The following ODR4 variants were observed in gnomAD, a reference collection of about 807,000 sequenced individuals.
ODR4 encodes the protein odr-4 GPCR localization factor homolog, also known as protein odr-4 homolog.
Under a neutral mutation model 60.2 loss-of-function variants are expected in ODR4, and 47 were observed. The observed-to-expected ratio is 0.78, with a 90% confidence interval of 0.62 to 1.00. The LOEUF (loss-of-function observed/expected upper bound fraction) is 1.00. ODR4 is among the 50% of genes least tolerant of loss of function. The probability of loss-of-function intolerance (pLI) is 0.00; values close to 1 mark genes in which losing one functional copy is unlikely to be tolerated. For missense variants in ODR4, 488 were observed against 530.8 expected (o/e 0.92, Z 0.79); for synonymous variants, 178 against 175.5 (o/e 1.01, Z -0.11).
At position 186,385,405 on chromosome 1, in the gene ODR4, CTA is replaced by C. The variant is rs1275375635; in HGVS notation, c.235-581_235-580del. ...GTTCACAGATAACTATGATATAAGA[CTA>C]TGTGATAAAATCCATGGGAAAACTA... On this transcript the variant is annotated intron_variant, in intron 3 of 13. Coordinates refer to ENST00000287859, the MANE Select transcript of ODR4 (RefSeq NM_017847.6). Among the ~76,000 whole-genome samples the C allele has an allele frequency of 1.6e-4, 24 of 150,890 alleles. No individual in the cohort carries two copies. In the East Asian group the frequency reaches 3.9e-3, roughly 25 times the overall value.
At chr1:186,391,889 A>C in intron 8 of ODR4, 98 bp downstream of exon 8, 1 of 711,432 alleles carries the variant, frequency 1.4e-6, no homozygotes, top group Non-Finnish European at 2.4e-6. Flanking sequence ...AACTGATTTC[A>C]TCTACCTCTC....
At chr1:186,392,725 A>C (rs182053794) in intron 8 of ODR4, among the ~76,000 whole-genome samples, 113 of 152,172 alleles carry the variant, frequency 7.4e-4, no homozygotes, top group African/African-American at 2.6e-3. Flanking sequence ...GGCAGGGGCC[A>C]GGCGTGGTGG....
chr1:186,382,964 CTAATT>C lies in ODR4; in HGVS notation c.100-57_100-53del, dbSNP rs2102018254. Reference sequence around the variant, plus strand: ...AAAGCTAAGGAATTTAGGTATCACTCTAATTAGATTGAGGAATCAGATATCACTCT... The same window carrying C: ...AAAGCTAAGGAATTTAGGTATCACTCAGATTGAGGAATCAGATATCACTCT... On this transcript the variant is annotated intron_variant, in intron 2 of 13. Coordinates refer to ENST00000287859, the MANE Select transcript of ODR4 (RefSeq NM_017847.6). 2.0e-6 allele frequency: 3 copies of C among 1,517,138 alleles called. No individual in the cohort carries two copies. The South Asian group carries it at 3.8e-5, about 19-fold the overall frequency. The allele number at this position is 1,517,138 out of a possible 1,614,324, so 94.0% of individuals were successfully genotyped here.
intron 9 of ODR4, among the ~76,000 whole-genome samples, chr1:186,395,300 A>G (rs955899540): frequency 3.9e-5 from 6 of 151,970 alleles, no homozygotes; most frequent in African/African-American, 9.7e-5. Context: ...TCACTGTGTT[A>G]GCCAGGGTGG....
At chr1:186,385,957 T>A in intron 3 of ODR4, 31 bp from the exon 4 acceptor site, 1 of 1,393,526 alleles carries the variant, frequency 7.2e-7, no homozygotes, top group Non-Finnish European at 1.0e-6. Context: ...TAATGCCAAT[T>A]TGTTAGCTAA....
chr1:186,427,302 A>G, the ODR4 span, among the ~76,000 whole-genome samples: 1 of 152,186 alleles, frequency 6.6e-6, no homozygotes, highest in Non-Finnish European at 1.5e-5. Flanking sequence ...CTTCTTTTTC[A>G]ACTAAGTTTG....
intron 2 of ODR4, among the ~76,000 whole-genome samples, chr1:186,382,712 A>C (rs954902787): frequency 1.3e-5 from 2 of 152,232 alleles, no homozygotes; most frequent in African/African-American, 4.8e-5. Flanking sequence ...AGTTAATGTA[A>C]TTCATTCACT....
At chr1:186,379,329 G>A (rs1041663236) in intron 1 of ODR4, among the ~76,000 whole-genome samples, 2 of 151,524 alleles carry the variant, frequency 1.3e-5, no homozygotes, top group African/African-American at 4.9e-5. Context: ...TGTAACCCCA[G>A]CTACTCAGGA....
At chr1:186,433,052 G>A in the ODR4 span, among the ~76,000 whole-genome samples, 1 of 152,012 alleles carries the variant, frequency 6.6e-6, no homozygotes, top group African/African-American at 2.4e-5. Flanking sequence ...CCAAAGTGCT[G>A]GGATTACAGG....
chr1:186,424,736 T>C (rs1014732317), downstream of ODR4, among the ~76,000 whole-genome samples: 2 of 152,026 alleles, frequency 1.3e-5, no homozygotes, highest in Admixed American at 1.3e-4. Flanking sequence ...GGAATTCAGC[T>C]GCCACATCTC....
At chr1:186,396,243 G>A (rs1237029117) in intron 9 of ODR4, among the ~76,000 whole-genome samples, 1 of 152,154 alleles carries the variant, frequency 6.6e-6, no homozygotes, top group Non-Finnish European at 1.5e-5. Flanking sequence ...TAACCAAGAG[G>A]AGTTTACATT....
chr1:186,425,247 G>A (rs1407656198), downstream of ODR4, among the ~76,000 whole-genome samples: 1 of 152,148 alleles, frequency 6.6e-6, no homozygotes, highest in African/African-American at 2.4e-5. Context: ...ATCCGAAGAT[G>A]TGTGAAACTA....
At position 186,419,325 on chromosome 1, in the gene ODR4, A is replaced by G. The variant is rs760309593; in HGVS notation, c.*249A>G. The stretch of plus-strand genomic sequence containing the variant: ...AGATGGAAGCTGCATGTAACAAATC[A>G]TTATTATCTATTTTTAAAAGCTTCA... On this transcript the variant is annotated 3_prime_UTR_variant, in exon 14 of 14. Transcript: ENST00000287859. 8 of 483,734 alleles carry G rather than the reference A, an allele frequency of 1.7e-5. No individual in the cohort carries two copies. Among genetic ancestry groups the G allele is most frequent in the East Asian group, 1.1e-4 (3 of 27,818 alleles). 30.0% of individuals were successfully genotyped at this position (483,734 alleles called of 1,614,324 possible). A position where few individuals can be genotyped will look rare whatever the true frequency, so the allele number is the denominator to read the frequency against.
chr1:186,383,931 TG>T (rs1660145185), intron 3 of ODR4, among the ~76,000 whole-genome samples: 1 of 151,816 alleles, frequency 6.6e-6, no homozygotes, highest in South Asian at 2.1e-4. Flanking sequence ...CCCAGCTACT[TG>T]GGAGGCTGAG....
intron 13 of ODR4, among the ~76,000 whole-genome samples, chr1:186,418,445 C>T (rs1222354959): frequency 6.6e-6 from 1 of 151,948 alleles, no homozygotes; most frequent in Non-Finnish European, 1.5e-5. Flanking sequence ...CGCCCGCCAC[C>T]GCGCCCGGCT....
At chr1:186,392,145 C>T (rs1660494269) in intron 8 of ODR4, among the ~76,000 whole-genome samples, 1 of 152,110 alleles carries the variant, frequency 6.6e-6, no homozygotes, top group African/African-American at 2.4e-5. Flanking sequence ...CAGATGCTGG[C>T]AAGGCTGCAG....
At chr1:186,403,873 A>G (rs892661783) in intron 11 of ODR4, among the ~76,000 whole-genome samples, 3 of 152,158 alleles carry the variant, frequency 2.0e-5, no homozygotes, top group Admixed American at 6.5e-5. Context: ...CCACATCAGT[A>G]TCCTCTGTAC....
chr1:186,391,540 CT>C (rs1340337366), intron 7 of ODR4, among the ~76,000 whole-genome samples, 155 bp from the exon 8 acceptor site: 4 of 151,198 alleles, frequency 2.6e-5, no homozygotes, highest in South Asian at 2.1e-4. Flanking sequence ...TGGGGGTATA[CT>C]TTTTTTTAAT....
At chr1:186,376,203 G>C (rs1659756627) in intron 1 of ODR4, among the ~76,000 whole-genome samples, 1 of 152,124 alleles carries the variant, frequency 6.6e-6, no homozygotes, top group Admixed American at 6.5e-5. Flanking sequence ...TAATTCTTCA[G>C]GAGGAGAATT....
Sources: gnomAD v4.1 joint callset for allele counts (sites outside exome capture counted in the v4.1 genomes callset) on GRCh38, gnomAD v4.1.1 for gene constraint, MANE v1.5 for transcripts, NCBI Gene and HGNC (gene_info 2026-07-23, HGNC 2026-07-21) for gene names.